MAST4: variants seen among roughly 807,000 people sequenced by gnomAD.
MAST4 encodes the protein microtubule-associated serine/threonine-protein kinase 4.
Under a neutral mutation model 162.7 loss-of-function variants are expected in MAST4, and 89 were observed. That is an observed-to-expected ratio of 0.55 (90% CI 0.46 to 0.65). The LOEUF (loss-of-function observed/expected upper bound fraction) is 0.65. Among genes scored for constraint, MAST4 ranks in the 30% least tolerant of loss-of-function variants. The pLI is 0.00. For synonymous variants in MAST4, 1,479 were observed against 1,361.1 expected (o/e 1.09, Z -1.91); for missense variants, 3,153 against 3,374.0 (o/e 0.93, Z 1.62).
In MAST4 at chr5:67,163,308, T is replaced by A. The variant is rs759840814; in HGVS notation, c.4129T>A (p.Ser1377Thr). The change falls in exon 29 of 29, where the codon TCC (serine) becomes ACC (threonine). Residue 1377 changes from serine to threonine, a missense_variant. Around this residue, in one of 7 missense-constraint regions of MAST4, gnomAD observed 619 missense variants for 744.2 expected, o/e 0.83. Transcript: ENST00000403625. This position sits in a 1 kb window ranked among gnomAD's most constrained non-coding sequence, Gnocchi z 7.0. ...AAAGTCCGCCGGCAACATCCCACTG[T>A]CCCCGCTGGCCCGGACGCCCTCTCC... ...RRKSAGNIPL[S>T]PLARTPSPTP... The A allele has an allele frequency of 6.2e-7, 1 of 1,612,966 alleles. No homozygotes were observed. The highest frequency in any genetic ancestry group is 1.7e-5 in the Admixed American group (1 of 60,002).
chr5:66,691,217 TC>T (rs1327744351), intron 1 of MAST4, among the ~76,000 whole-genome samples: 1 of 152,194 alleles, frequency 6.6e-6, no homozygotes, highest in Non-Finnish European at 1.5e-5. Flanking sequence ...AAGACATTTT[TC>T]TTTGGGAAAA....
At chr5:66,883,316 T>C (rs1461904252) in intron 3 of MAST4, among the ~76,000 whole-genome samples, 1 of 151,464 alleles carries the variant, frequency 6.6e-6, no homozygotes, top group Non-Finnish European at 1.5e-5. Flanking sequence ...GTCTCAGAAA[T>C]AGGAAATTTG....
chr5:66,904,135 AG>A (rs1463752143), intron 4 of MAST4, among the ~76,000 whole-genome samples: 2 of 152,234 alleles, frequency 1.3e-5, no homozygotes, highest in Admixed American at 1.3e-4. Context: ...TACATTTGTA[AG>A]TGGAAAAATT....
chr5:67,116,578 C>T (rs976964953), intron 12 of MAST4, among the ~76,000 whole-genome samples: 7 of 151,542 alleles, frequency 4.6e-5, no homozygotes, highest in Non-Finnish European at 1.0e-4. Context: ...AAACAAATTG[C>T]ACCGCGCTGA....
chr5:66,858,674 A>T (rs1044536726), intron 3 of MAST4, among the ~76,000 whole-genome samples: 16 of 152,198 alleles, frequency 1.1e-4, no homozygotes, highest in Non-Finnish European at 1.5e-5. Context: ...TATGCTTTTA[A>T]GTAAATTTTT....
intron 4 of MAST4, among the ~76,000 whole-genome samples, chr5:67,021,977 T>A (rs1215241364): frequency 6.6e-6 from 1 of 152,166 alleles, no homozygotes; most frequent in South Asian, 2.1e-4. Context: ...ATTCTCTCTG[T>A]CCCCTACTCC....
intron 1 of MAST4, among the ~76,000 whole-genome samples, chr5:66,734,631 T>G (rs554046989): frequency 6.6e-6 from 1 of 152,352 alleles, no homozygotes; most frequent in East Asian, 1.9e-4. Context: ...CTTTCTGAGA[T>G]GATAGACATG....
At chr5:67,096,306 CAGT>C (rs1764463368) in intron 7 of MAST4, among the ~76,000 whole-genome samples, 1 of 152,120 alleles carries the variant, frequency 6.6e-6, no homozygotes. Flanking sequence ...GGAAACAACT[CAGT>C]AGGTTAGATG....
chr5:66,700,738 C>T (rs943408948), intron 1 of MAST4, among the ~76,000 whole-genome samples: 14 of 150,422 alleles, frequency 9.3e-5, no homozygotes, highest in Admixed American at 9.3e-4. Context: ...CTAAGCAAGT[C>T]CTTTCTCTGT....
intron 24 of MAST4, 146 bp downstream of exon 24, chr5:67,149,735 C>T: frequency 1.2e-6 from 1 of 812,740 alleles, no homozygotes; most frequent in Non-Finnish European, 2.0e-6. Context: ...GAGCTTCTGC[C>T]TGCAGACTCT....
chr5:66,926,276 G>A (rs1255224473), intron 4 of MAST4, among the ~76,000 whole-genome samples: 3 of 152,120 alleles, frequency 2.0e-5, no homozygotes, highest in South Asian at 2.1e-4. Flanking sequence ...GGCTGGGCGC[G>A]GTGGCTCATG....
In MAST4 at chr5:67,136,997, G is replaced by A. The variant is rs143836313; in HGVS notation, c.2494+333G>A. Among the ~76,000 whole-genome samples, 583 of 152,314 alleles carry A rather than the reference G, an allele frequency of 3.8e-3. 3 individuals carry two copies. The highest frequency in any genetic ancestry group is 0.013 in the African/African-American group (557 of 41,568). On this transcript the variant is annotated intron_variant, in intron 19 of 28. Transcript: ENST00000403625. Reference sequence around the variant, plus strand: ...GTAACTCTTCTATCCCGAAAAGCATGCATCTTAAATAACTTGAAACAGAGG... The same window carrying A: ...GTAACTCTTCTATCCCGAAAAGCATACATCTTAAATAACTTGAAACAGAGG...
intron 3 of MAST4, among the ~76,000 whole-genome samples, chr5:66,844,826 C>T (rs553610003): frequency 6.6e-6 from 1 of 151,900 alleles, no homozygotes; most frequent in East Asian, 1.9e-4. Flanking sequence ...TTGAGTTTGG[C>T]GGTGATTATT....
intron 1 of MAST4, among the ~76,000 whole-genome samples, chr5:66,647,025 A>G (rs1049375127): frequency 6.6e-6 from 1 of 152,174 alleles, no homozygotes; most frequent in African/African-American, 2.4e-5. Context: ...TTCCAAATGT[A>G]ATATAACATC....
chr5:66,911,550 C>CA (rs1393823898), intron 4 of MAST4, among the ~76,000 whole-genome samples: 1 of 61,080 alleles, frequency 1.6e-5, no homozygotes, highest in African/African-American at 7.2e-5. Flanking sequence ...AACAAACAAA[C>CA]AACAACAACC....
intron 1 of MAST4, among the ~76,000 whole-genome samples, chr5:66,656,021 GC>G (rs1301818477): frequency 1.3e-5 from 2 of 152,158 alleles, no homozygotes; most frequent in Non-Finnish European, 2.9e-5. Context: ...GTGTATAAAA[GC>G]TGGGAATGGC....
In MAST4 at chr5:66,606,172, G is replaced by T. The variant is rs147698915; in HGVS notation, c.363+9154G>T. 8.8e-3 allele frequency among the ~76,000 whole-genome samples: 1,347 copies of T among 152,212 alleles called. 15 individuals are homozygous for T. The highest frequency in any genetic ancestry group is 0.021 in the South Asian group (100 of 4,818). On this transcript the variant is annotated intron_variant, in intron 1 of 28. Transcript: ENST00000403625. ...GACCTTTAAAAAGAACACAACAAATGCTTTAGCTAGAAGATGGCAGAAAAG... is the reference window on the plus strand; with the variant it reads ...GACCTTTAAAAAGAACACAACAAATTCTTTAGCTAGAAGATGGCAGAAAAG...
chr5:66,903,648 A>T (rs1275844097), intron 4 of MAST4, among the ~76,000 whole-genome samples: 1 of 152,174 alleles, frequency 6.6e-6, no homozygotes, highest in African/African-American at 2.4e-5. Context: ...AAGCCAGGGG[A>T]TGAAGCAAAG....
intron 26 of MAST4, among the ~76,000 whole-genome samples, chr5:67,157,434 C>T (rs765586442): frequency 3.6e-4 from 54 of 152,072 alleles, no homozygotes; most frequent in Non-Finnish European, 6.5e-4. Flanking sequence ...TCATTTAAGC[C>T]CTGGTCTTCA....
Sources: gnomAD v4.1 joint callset for allele counts (sites outside exome capture counted in the v4.1 genomes callset) on GRCh38, gnomAD v4.1.1 for gene constraint, gnomAD v4.1.1 regional missense constraint, Gnocchi (gnomAD v3.1) non-coding constraint, MANE v1.5 for transcripts, NCBI Gene and HGNC (gene_info 2026-07-23, HGNC 2026-07-21) for gene names.